The following WWOX variants were observed in gnomAD, a reference collection of about 807,000 sequenced individuals.
WWOX encodes WW domain-containing oxidoreductase.
Under a neutral mutation model 46.2 loss-of-function variants are expected in WWOX, and 69 were observed. The observed-to-expected ratio is 1.49, with a 90% CI of 1.23 to 1.82. WWOX has a LOEUF of 1.82. WWOX is among the 40% of genes most tolerant of loss of function. The pLI is 0.00. For synonymous variants in WWOX, 359 were observed against 202.6 expected, an observed-to-expected ratio of 1.77 and a Z score of -6.56; for missense variants, 919 against 542.6, an observed-to-expected ratio of 1.69 and a Z score of -6.89.
chr16:78,889,769 C>G (rs1023486823), intron 8 of WWOX, among the ~76,000 whole-genome samples: 2 of 152,114 alleles, frequency 1.3e-5, no homozygotes, highest in African/African-American at 4.8e-5. Context: ...TTGTTTTGTT[C>G]CGCCTCGATC....
intron 8 of WWOX, among the ~76,000 whole-genome samples, chr16:78,466,135 C>A (rs1383696717): frequency 6.6e-6 from 1 of 151,986 alleles, no homozygotes; most frequent in Non-Finnish European, 1.5e-5. Flanking sequence ...AGGTTAATGC[C>A]ATTCTCCTGC....
At chr16:79,087,595 G>A (rs1003794325) in intron 8 of WWOX, among the ~76,000 whole-genome samples, 6 of 152,216 alleles carry the variant, frequency 3.9e-5, no homozygotes, top group Admixed American at 3.9e-4. Flanking sequence ...CCTGAGCACT[G>A]GGGAGTTGAC....
intron 8 of WWOX, among the ~76,000 whole-genome samples, chr16:79,088,494 A>AC (rs1264036153): frequency 6.6e-6 from 1 of 152,242 alleles, no homozygotes; most frequent in East Asian, 1.9e-4. Context: ...AGTCATCAGC[A>AC]AGTCTTATCT....
intron 8 of WWOX, among the ~76,000 whole-genome samples, chr16:78,976,996 G>T (rs1011577976): frequency 1.3e-5 from 2 of 152,124 alleles, no homozygotes; most frequent in African/African-American, 4.8e-5. Flanking sequence ...AATCTAGCAT[G>T]TATAAGCTCA....
rs75569546 is a variant in WWOX at position 78,799,926 on chromosome 16, C to A, written c.1056+367174C>A. 1.7e-3 allele frequency among the ~76,000 whole-genome samples: 261 copies of A among 152,246 alleles called. 2 individuals are homozygous for A. The highest frequency in any genetic ancestry group is 6.0e-3 in the African/African-American group (251 of 41,550). ...ATGACTACTTTTCCCTGAAATACGT[C>A]CTCCATCTCAGGCACTAGTTAGGAA... On this transcript the variant is annotated intron_variant, in intron 8 of 8. Transcript: ENST00000566780.
In WWOX at chr16:78,639,620, A is replaced by G. The variant is rs561686649; in HGVS notation, c.1056+206868A>G. ...CTCTTGTTGCACAGGCTGGGGTGCA[A>G]TGGTATGATCTTGGCTCACTGCAAC... is the stretch of plus-strand genomic sequence containing the variant. On this transcript the variant is annotated intron_variant, in intron 8 of 8. Transcript: ENST00000566780. Among the ~76,000 whole-genome samples, 427 of 151,606 alleles carry G rather than the reference A, an allele frequency of 2.8e-3. 3 individuals carry two copies. Among genetic ancestry groups the G allele is most frequent in the African/African-American group, 0.01 (414 of 41,312 alleles).
At chr16:78,538,747 T>G (rs949200492) in intron 8 of WWOX, among the ~76,000 whole-genome samples, 1 of 152,246 alleles carries the variant, frequency 6.6e-6, no homozygotes, top group African/African-American at 2.4e-5. Context: ...CATCTGATTT[T>G]AAAACCCTGA....
At chr16:78,995,183 C>T (rs1196870112) in intron 8 of WWOX, among the ~76,000 whole-genome samples, 1 of 152,002 alleles carries the variant, frequency 6.6e-6, no homozygotes, top group Non-Finnish European at 1.5e-5. Flanking sequence ...CTTCCAAGCT[C>T]AGCTTCTCTC....
intron 8 of WWOX, among the ~76,000 whole-genome samples, chr16:79,135,594 G>A (rs2049967752): frequency 6.6e-6 from 1 of 152,026 alleles, no homozygotes; most frequent in African/African-American, 2.4e-5. Context: ...TATATTCCTA[G>A]AAATTCAATT....
intron 8 of WWOX, among the ~76,000 whole-genome samples, chr16:78,769,221 A>G (rs971728065): frequency 7.2e-5 from 11 of 152,218 alleles, no homozygotes; most frequent in Non-Finnish European, 8.8e-5. Context: ...AGTGCTTACT[A>G]TATACCAGGC....
intron 8 of WWOX, chr16:78,898,406 G>A (rs536559088): frequency 1.2e-4 from 18 of 151,986 alleles, no homozygotes; most frequent in African/African-American, 2.7e-4. Flanking sequence ...ACTAATCCTC[G>A]CGCTATTCAA....
chr16:78,303,574 C>T (rs184604687), intron 5 of WWOX, among the ~76,000 whole-genome samples: 8 of 152,148 alleles, frequency 5.3e-5, no homozygotes, highest in East Asian at 1.9e-4. Context: ...GATGGTGTTT[C>T]GCTCTCGTTG....
intron 8 of WWOX, among the ~76,000 whole-genome samples, chr16:78,625,595 A>G (rs971238380): frequency 1.3e-5 from 2 of 151,986 alleles, no homozygotes; most frequent in African/African-American, 4.8e-5. Flanking sequence ...TACATTTATT[A>G]AGATTAAATT....
chr16:78,464,342 A>T (rs1338905083), intron 8 of WWOX, among the ~76,000 whole-genome samples: 1 of 145,936 alleles, frequency 6.9e-6, no homozygotes, highest in Non-Finnish European at 1.5e-5. Context: ...AGGAAAGAAG[A>T]GAGAGAAGGA....
chr16:78,956,149 G>T (rs1027060508), intron 8 of WWOX, among the ~76,000 whole-genome samples: 1 of 151,242 alleles, frequency 6.6e-6, no homozygotes, highest in African/African-American at 2.4e-5. Context: ...GGTTTTGGGG[G>T]TTTGTTGTTG....
At chr16:79,194,647 C>T (rs1262064933) in intron 8 of WWOX, among the ~76,000 whole-genome samples, 1 of 152,198 alleles carries the variant, frequency 6.6e-6, no homozygotes, top group Non-Finnish European at 1.5e-5. Context: ...CTTGTGTGAA[C>T]TGGCTCATTT....
chr16:78,626,654 G>A (rs985893593), intron 8 of WWOX, among the ~76,000 whole-genome samples: 1 of 152,106 alleles, frequency 6.6e-6, no homozygotes, highest in Non-Finnish European at 1.5e-5. Flanking sequence ...TTTCCACACT[G>A]CTGCCTTTGG....
intron 8 of WWOX, among the ~76,000 whole-genome samples, chr16:78,914,599 G>T (rs1233486542): frequency 6.6e-6 from 1 of 151,994 alleles, no homozygotes; most frequent in Non-Finnish European, 1.5e-5. Context: ...GGGAAACCAG[G>T]CCGGGAGCAG....
rs192044857 is a variant in WWOX at position 79,131,538 on chromosome 16, C to T, written c.1057-80070C>T. On this transcript the variant is annotated intron_variant, in intron 8 of 8. Coordinates refer to ENST00000566780, the MANE Select transcript of WWOX (RefSeq NM_016373.4). ...GGAAAGTTGAGAGTTGAGTGCAAGA[C>T]GGGGACACCCAGGAGCCAGTAAATC... Among the ~76,000 whole-genome samples, 167 of 152,190 alleles carry T rather than the reference C, an allele frequency of 1.1e-3. 1 individual carries two copies. The highest frequency in any genetic ancestry group is 3.7e-3 in the African/African-American group (153 of 41,528).
Sources: allele counts gnomAD v4.1 joint callset (sites outside exome capture counted in the v4.1 genomes callset), GRCh38; gene constraint gnomAD v4.1.1; transcripts MANE v1.5; gene names NCBI Gene and HGNC (gene_info 2026-07-23, HGNC 2026-07-21).